PXMP4: variants seen among roughly 807,000 people sequenced by gnomAD.
PXMP4 encodes the protein 24 kDa peroxisomal intrinsic membrane protein.
A neutral mutation model predicts 21.6 loss-of-function variants in PXMP4; 16 were observed. The observed-to-expected ratio is 0.74, with a 90% CI of 0.50 to 1.13. The LOEUF is 1.13. Ranked by LOEUF, PXMP4 falls within the 50% of genes most tolerant of loss-of-function variation. PXMP4 has a pLI of 0.00. For missense variants in PXMP4, 240 were observed against 277.7 expected (o/e 0.86, Z 0.96); for synonymous variants, 127 against 123.8 (o/e 1.03, Z -0.17).
Position 33,703,795 on chromosome 20 carries a change from T to G in PXMP4, c.*3911A>C, listed in dbSNP as rs1208078492. ...GGTTGCTCCAAGGATGTGTTCATTC[T>G]CCAGCCCTTCAGGCCTGCCAGAGGC... On this transcript the variant is annotated 3_prime_UTR_variant, in exon 4 of 4. Transcript: ENST00000409299. The G allele has an allele frequency of 6.6e-6, 1 of 152,302 alleles. No homozygotes were observed. The highest frequency in any genetic ancestry group is 1.5e-5 in the Non-Finnish European group (1 of 68,100). 9.4% of individuals were successfully genotyped at this position (152,302 alleles called of 1,614,324 possible). A position where few individuals can be genotyped will look rare whatever the true frequency, so the allele number is the denominator to read the frequency against.
At chr20:33,717,595 G>A (rs887206920) in intron 1 of PXMP4, among the ~76,000 whole-genome samples, 3 of 131,688 alleles carry the variant, frequency 2.3e-5, no homozygotes, top group African/African-American at 3.1e-5. Context: ...AGCCGAGATC[G>A]CGCCACTGCA....
chr20:33,714,414 G>C (rs1175834744), intron 2 of PXMP4, among the ~76,000 whole-genome samples: 2 of 152,034 alleles, frequency 1.3e-5, no homozygotes, highest in African/African-American at 4.8e-5. Context: ...AGCTACTCAG[G>C]AGACTGAAGC....
chr20:33,716,289 G>T (rs2018383089), intron 1 of PXMP4, among the ~76,000 whole-genome samples: 1 of 152,068 alleles, frequency 6.6e-6, no homozygotes, highest in Non-Finnish European at 1.5e-5. Flanking sequence ...CCTGCTCACT[G>T]CTCCTACCTC....
At chr20:33,713,131 C>T (rs186832347) in intron 2 of PXMP4, among the ~76,000 whole-genome samples, 3 of 152,352 alleles carry the variant, frequency 2.0e-5, no homozygotes, top group Non-Finnish European at 4.4e-5. Context: ...TGCTCAAAAT[C>T]TTACAACAAT....
intron 1 of PXMP4, among the ~76,000 whole-genome samples, chr20:33,715,141 G>T (rs2018370148): frequency 6.6e-6 from 1 of 151,966 alleles, no homozygotes; most frequent in South Asian, 2.1e-4. Context: ...AAAAAGGGAT[G>T]TTTTTTGTTT....
chr20:33,707,783 A>G lies in PXMP4; in HGVS notation c.562T>C (p.Tyr188His). ...CATACATTGCTGTCCTCATAGAGGTAGGTCATGGAGGACTGCAGCGAGGGC... is the reference window on the plus strand; with the variant it reads ...CATACATTGCTGTCCTCATAGAGGTGGGTCATGGAGGACTGCAGCGAGGGC... Reference protein sequence around the residue: ...LQPSLQSSMTYLYEDSNVWHD... With the variant: ...LQPSLQSSMTHLYEDSNVWHD... The change falls in exon 4 of 4, where the codon TAC becomes CAC. Residue 188 changes from tyrosine (Y) to histidine (H), a missense_variant. Transcript: ENST00000409299. 1 of 1,614,194 alleles carries G rather than the reference A, an allele frequency of 6.2e-7. No individual in the cohort carries two copies. The highest frequency in any genetic ancestry group is 8.5e-7 in the Non-Finnish European group (1 of 1,180,048).
chr20:33,710,775 T>G, intron 2 of PXMP4, 22 bp from the exon 3 acceptor site: 2 of 1,570,942 alleles, frequency 1.3e-6, no homozygotes, highest in Non-Finnish European at 1.7e-6. Context: ...CAGGTGCCCC[T>G]GCCATGAGTG....
rs1472705996 is a variant in PXMP4, at chr20:33,707,678, A to G, written c.*28T>C. Reference sequence around the variant, plus strand: ...AGGGTCTGCATGGGGCCAAATCTTGAGCCACAGCCAGACACCTCAGGGCTG... The same window carrying G: ...AGGGTCTGCATGGGGCCAAATCTTGGGCCACAGCCAGACACCTCAGGGCTG... On this transcript the variant is annotated 3_prime_UTR_variant, in exon 4 of 4. Transcript: ENST00000409299. The G allele has an allele frequency of 1.2e-6, 2 of 1,605,176 alleles. No homozygotes were observed. Among genetic ancestry groups the G allele is most frequent in the South Asian group, 2.2e-5 (2 of 90,580 alleles).
In PXMP4 at chr20:33,705,492, T is replaced by G. The variant is rs1366908262; in HGVS notation, c.*2214A>C. 6.6e-6 allele frequency: 1 copy of G among 151,554 alleles called. No individual in the cohort carries two copies. The highest frequency in any genetic ancestry group is 1.5e-5 in the Non-Finnish European group (1 of 67,962). 9.4% of individuals were successfully genotyped at this position (151,554 alleles called of 1,614,324 possible). ...GGCGGGCACCTGTAGGCCCAGCTAC[T>G]CCGGAGGCTGAGGCAGGAGAATGGT... is the stretch of plus-strand genomic sequence containing the variant. On this transcript the variant is annotated 3_prime_UTR_variant, in exon 4 of 4. Coordinates refer to ENST00000409299, the MANE Select transcript of PXMP4 (RefSeq NM_007238.5).
intron 3 of PXMP4, among the ~76,000 whole-genome samples, chr20:33,709,776 A>G (rs943264132): frequency 1.0e-4 from 1 of 9,982 alleles, no homozygotes; most frequent in African/African-American, 4.1e-4. Context: ...GCCCCTCCCC[A>G]CCCCCACCTC....
At chr20:33,715,168 TCTCA>T (rs1321226706) in intron 1 of PXMP4, among the ~76,000 whole-genome samples, 1 of 151,814 alleles carries the variant, frequency 6.6e-6, no homozygotes, top group African/African-American at 2.4e-5. Flanking sequence ...TGAGATGGAG[TCTCA>T]CTCTGTCGCC....
intron 1 of PXMP4, among the ~76,000 whole-genome samples, chr20:33,716,731 C>T (rs1424580141): frequency 6.6e-6 from 1 of 152,110 alleles, no homozygotes; most frequent in African/African-American, 2.4e-5. Flanking sequence ...TGTTGACTGA[C>T]CGATGCCAGA....
chr20:33,711,191 G>A (rs139838195), intron 2 of PXMP4, among the ~76,000 whole-genome samples: 103 of 152,278 alleles, frequency 6.8e-4, no homozygotes, highest in Non-Finnish European at 1.2e-3. Context: ...GCCATGTGCT[G>A]GATGTGGGGG....
chr20:33,715,120 A>G (rs1340098916), intron 1 of PXMP4, among the ~76,000 whole-genome samples: 1 of 151,988 alleles, frequency 6.6e-6, no homozygotes, highest in African/African-American at 2.4e-5. Flanking sequence ...GTGTGCCATC[A>G]CGCTCAGCAT....
At chr20:33,718,315 C>A (rs2018405472) in intron 1 of PXMP4, among the ~76,000 whole-genome samples, 1 of 151,896 alleles carries the variant, frequency 6.6e-6, no homozygotes, top group Admixed American at 6.6e-5. Flanking sequence ...TCGAGCCCAT[C>A]CTGGCTAACA....
Position 33,710,875 on chromosome 20 carries a change from CCTCTA to C in PXMP4, c.177-127_177-123del, listed in dbSNP as rs2018319487. On this transcript the variant is annotated intron_variant, in intron 2 of 3. Coordinates refer to ENST00000409299, the MANE Select transcript of PXMP4 (RefSeq NM_007238.5). ...GGAGTAATGCTCATTCAGTCACCGG[CCTCTA>C]CCCTTCATGTTCTCTCCCTTGATTC... is the stretch of plus-strand genomic sequence containing the variant. The C allele has an allele frequency of 1.8e-5, 17 of 962,640 alleles. No individual in the cohort carries two copies. The South Asian group carries it at 2.8e-4, about 16-fold the overall frequency. The allele number at this position is 962,640 out of a possible 1,614,324, so 59.6% of individuals were successfully genotyped here.
chr20:33,711,308 C>T (rs529805080), intron 2 of PXMP4, among the ~76,000 whole-genome samples: 93 of 152,232 alleles, frequency 6.1e-4, no homozygotes, highest in African/African-American at 2.2e-3. Flanking sequence ...TTGACCTTGA[C>T]AAGAGATGGC....
At chr20:33,708,681 A>T (rs769200109) in intron 3 of PXMP4, among the ~76,000 whole-genome samples, 37 of 151,968 alleles carry the variant, frequency 2.4e-4, no homozygotes, top group Admixed American at 9.2e-4. Context: ...TGGCTAAAAA[A>T]TGGTAAAATT....
chr20:33,719,426 C>T (rs2018422943), intron 1 of PXMP4, among the ~76,000 whole-genome samples: 1 of 152,194 alleles, frequency 6.6e-6, no homozygotes, highest in African/African-American at 2.4e-5. Flanking sequence ...TTGTTCTCTG[C>T]TTTGTCCCCG....
Sources: gnomAD v4.1 joint callset for allele counts (sites outside exome capture counted in the v4.1 genomes callset) on GRCh38, gnomAD v4.1.1 for gene constraint, MANE v1.5 for transcripts, NCBI Gene and HGNC (gene_info 2026-07-23, HGNC 2026-07-21) for gene names.